The following NR2C1 variants were observed in gnomAD, a reference collection of about 807,000 sequenced individuals.
NR2C1 encodes nuclear receptor subfamily 2 group C member 1.
A neutral mutation model predicts 74.8 loss-of-function variants in NR2C1; 33 were observed. The observed-to-expected ratio is 0.44, with a 90% CI of 0.33 to 0.59. The LOEUF is 0.59. NR2C1 is among the 20% of genes least tolerant of loss of function. The probability of loss-of-function intolerance (pLI) is 0.02; values close to 1 mark genes in which losing one functional copy is unlikely to be tolerated. For missense variants in NR2C1, 568 were observed against 715.6 expected (o/e 0.79, Z 2.35); for synonymous variants, 225 against 240.6 (o/e 0.94, Z 0.60).
intron 13 of NR2C1, among the ~76,000 whole-genome samples, chr12:95,022,865 T>C (rs974212339): frequency 5.5e-5 from 8 of 144,820 alleles, no homozygotes; most frequent in African/African-American, 1.5e-4. Context: ...TGGCTAATTG[T>C]GTTTGTTTTT....
At chr12:95,051,556 TA>T (rs771624081) in intron 8 of NR2C1, among the ~76,000 whole-genome samples, 13 of 152,178 alleles carry the variant, frequency 8.5e-5, no homozygotes, top group Non-Finnish European at 1.9e-4. Context: ...GTACCCAGAG[TA>T]ATGCAAACAT....
At chr12:95,048,228 T>C (rs1872547433) in intron 9 of NR2C1, among the ~76,000 whole-genome samples, 1 of 152,178 alleles carries the variant, frequency 6.6e-6, no homozygotes, top group Non-Finnish European at 1.5e-5. Flanking sequence ...ACCTGGCCAA[T>C]TTGTATCTTA....
chr12:95,024,326 A>C (rs894070634), intron 13 of NR2C1, among the ~76,000 whole-genome samples: 1 of 152,172 alleles, frequency 6.6e-6, no homozygotes, highest in South Asian at 2.1e-4. Context: ...AAATAATTGT[A>C]AAAAGTGGGT....
chr12:95,028,587 AAT>A, intron 11 of NR2C1, 63 bp from the exon 12 acceptor site: 1 of 1,190,218 alleles, frequency 8.4e-7, no homozygotes, highest in Admixed American at 2.2e-5. Flanking sequence ...ACTTTCATCC[AAT>A]ATATTTCCCT....
At chr12:95,050,320 GTTGT>G (rs1185029692) in intron 8 of NR2C1, among the ~76,000 whole-genome samples, 3 of 151,992 alleles carry the variant, frequency 2.0e-5, no homozygotes, top group African/African-American at 7.2e-5. Context: ...ATGTTTTGTT[GTTGT>G]TTGAGACAGA....
chr12:95,043,208 C>G (rs1871821995), intron 9 of NR2C1, among the ~76,000 whole-genome samples: 1 of 152,218 alleles, frequency 6.6e-6, no homozygotes, highest in Admixed American at 6.5e-5. Context: ...TTGCAGTGAG[C>G]CAGGATTGTG....
In NR2C1 at chr12:95,056,837, T is replaced by C. The variant is rs528425039; in HGVS notation, c.783+716A>G. ...AGCTGGGTGTGGTGGCAGGTGCCTG[T>C]AGTCCCAGCTATTCAGGAGGCTGAG... On this transcript the variant is annotated intron_variant, in intron 7 of 13. Coordinates refer to ENST00000333003, the MANE Select transcript of NR2C1 (RefSeq NM_003297.4). Among the ~76,000 whole-genome samples the C allele has an allele frequency of 5.7e-4, 86 of 151,610 alleles. 2 individuals carry two copies. The highest frequency in any genetic ancestry group is 4.8e-3 in the South Asian group (23 of 4,796).
chr12:95,058,107 A>G lies in NR2C1; in HGVS notation c.544+203T>C. ...TTCTTTTTGCCAAACACAAACTACA[A>G]ATACGTGCTTTTTACACAGGTATTC... On this transcript the variant is annotated intron_variant, in intron 5 of 13. Coordinates refer to ENST00000333003, the MANE Select transcript of NR2C1 (RefSeq NM_003297.4). 6.0e-6 allele frequency: 4 copies of G among 661,668 alleles called. No homozygotes were observed. In the East Asian group the frequency reaches 1.1e-4, roughly 18 times the overall value. The allele number at this position is 661,668 out of a possible 1,614,324, so 41.0% of individuals were successfully genotyped here.
intron 2 of NR2C1, chr12:95,062,980 G>A: frequency 1.9e-6 from 1 of 536,164 alleles, no homozygotes; most frequent in African/African-American, 1.9e-5. Context: ...TCCCTCCCAT[G>A]TTCCATTTAG....
chr12:95,073,608 G>C lies in NR2C1; in HGVS notation c.-236C>G, dbSNP rs1275307803. ...GGCGCGCTATCCCGCCAGCGCCTGCGCATTAGCAACGGGGAGAAGCGGCGA... is the reference window on the plus strand; with the variant it reads ...GGCGCGCTATCCCGCCAGCGCCTGCCCATTAGCAACGGGGAGAAGCGGCGA... On this transcript the variant is annotated 5_prime_UTR_variant, in exon 1 of 14. Coordinates refer to ENST00000333003, the MANE Select transcript of NR2C1 (RefSeq NM_003297.4). 6.6e-6 allele frequency: 1 copy of C among 152,322 alleles called. No homozygotes were observed. The highest frequency in any genetic ancestry group is 1.9e-4 in the East Asian group (1 of 5,200). 9.4% of individuals were successfully genotyped at this position (152,322 alleles called of 1,614,324 possible). A position where few individuals can be genotyped will look rare whatever the true frequency, so the allele number is the denominator to read the frequency against.
chr12:95,056,159 GGGAGGCTGAGGTGAGAGGATCCCT>G (rs1233385245), intron 7 of NR2C1, among the ~76,000 whole-genome samples: 3 of 152,090 alleles, frequency 2.0e-5, no homozygotes, highest in African/African-American at 4.8e-5. Flanking sequence ...CTAGCTTCTT[GGGAGGCTGAGGTGAGAGGATCCCT>G]GGAGCCTGAG....
At chr12:95,042,932 C>CAAAAAA (rs869036674) in intron 9 of NR2C1, among the ~76,000 whole-genome samples, 1 of 65,690 alleles carries the variant, frequency 1.5e-5, no homozygotes, top group African/African-American at 6.1e-5. Context: ...CCCATTTCTA[C>CAAAAAA]AAAAAAAAAA....
At chr12:95,047,310 T>C (rs958995850) in intron 9 of NR2C1, among the ~76,000 whole-genome samples, 5 of 152,240 alleles carry the variant, frequency 3.3e-5, no homozygotes, top group African/African-American at 1.2e-4. Flanking sequence ...TTTAGAATGA[T>C]ACTGATTATT....
chr12:95,044,309 C>T (rs1872007780), intron 9 of NR2C1, among the ~76,000 whole-genome samples: 1 of 151,800 alleles, frequency 6.6e-6, no homozygotes, highest in Non-Finnish European at 1.5e-5. Context: ...GCTCTGTCGC[C>T]CAGGCTGCAG....
chr12:95,062,469 A>G, intron 3 of NR2C1, 39 bp downstream of exon 3: 2 of 1,374,040 alleles, frequency 1.5e-6, no homozygotes, highest in Non-Finnish European at 2.0e-6. Context: ...TTTTTTTTTT[A>G]TATATGTAAG....
intron 12 of NR2C1, chr12:95,028,109 T>G: frequency 4.1e-6 from 1 of 245,880 alleles, no homozygotes; most frequent in Non-Finnish European, 7.7e-6. Flanking sequence ...TTGACCGACA[T>G]TTGGGTTGTC....
chr12:95,041,110 G>T (rs777720540), intron 9 of NR2C1, among the ~76,000 whole-genome samples: 2 of 152,158 alleles, frequency 1.3e-5, no homozygotes, highest in Non-Finnish European at 2.9e-5. Flanking sequence ...TCAGTGCAGT[G>T]AAAACATATG....
chr12:95,026,093 G>A (rs1869324781), intron 12 of NR2C1, among the ~76,000 whole-genome samples: 1 of 151,834 alleles, frequency 6.6e-6, no homozygotes, highest in Admixed American at 6.6e-5. Flanking sequence ...TGTAATCCCA[G>A]CTACTTGGGA....
intron 10 of NR2C1, among the ~76,000 whole-genome samples, chr12:95,040,006 ATTTTCT>A (rs1276105150): frequency 6.8e-6 from 1 of 148,000 alleles, no homozygotes; most frequent in East Asian, 2.0e-4. Context: ...GAGGTTTTAC[ATTTTCT>A]TTTTTTTTTT....
Sources: allele counts gnomAD v4.1 joint callset (sites outside exome capture counted in the v4.1 genomes callset), GRCh38; gene constraint gnomAD v4.1.1; transcripts MANE v1.5; gene names NCBI Gene and HGNC (gene_info 2026-07-23, HGNC 2026-07-21).